The following IL23R variants were observed in gnomAD, a reference collection of about 807,000 sequenced individuals.
IL23R encodes interleukin-23 receptor.
IL23R carries 34 observed loss-of-function variants against 56.9 expected under a neutral mutation model. The ratio of observed to expected loss-of-function variants is 0.60; its 90% CI spans 0.45 to 0.80. The LOEUF is 0.80. IL23R is among the 30% of genes least tolerant of loss of function. The pLI, the probability that IL23R is intolerant of heterozygous loss-of-function variation, is 0.00. For synonymous variants in IL23R, 230 were observed against 249.2 expected, an observed-to-expected ratio of 0.92 and a Z score of 0.73; for missense variants, 635 against 730.0, an observed-to-expected ratio of 0.87 and a Z score of 1.50.
intron 6 of IL23R, among the ~76,000 whole-genome samples, chr1:67,218,271 CATAT>C (rs1011598645): frequency 3.8e-5 from 2 of 52,228 alleles, no homozygotes; most frequent in Non-Finnish European, 6.8e-5. Flanking sequence ...GACACATACA[CATAT>C]ATATATATAT....
At chr1:67,205,873 ATCTTTCTTTCTTTCTT>A (rs200498214) in intron 5 of IL23R, among the ~76,000 whole-genome samples, 5,656 of 139,154 alleles carry the variant, frequency 0.041, 129 homozygotes, top group Middle Eastern at 0.073. Context: ...TTGAACATCC[ATCTTTCTTTCTTTCTT>A]TCTTTCTTTC....
intron 6 of IL23R, among the ~76,000 whole-genome samples, chr1:67,208,888 C>A (rs910427712): frequency 1.3e-5 from 2 of 152,152 alleles, no homozygotes; most frequent in African/African-American, 4.8e-5. Flanking sequence ...GTTGCAGACA[C>A]TCAATACCAG....
intron 9 of IL23R, among the ~76,000 whole-genome samples, chr1:67,253,174 A>G (rs1570929707): frequency 2.0e-5 from 3 of 152,334 alleles, no homozygotes; most frequent in East Asian, 3.9e-4. Context: ...AAATTTGTCA[A>G]TTCCTTACCA....
At chr1:67,158,331 G>C (rs1646788073) in intron 1 of IL23R, among the ~76,000 whole-genome samples, 5 of 152,224 alleles carry the variant, frequency 3.3e-5, no homozygotes, top group Admixed American at 3.3e-4. Context: ...ACCCAGGAAA[G>C]AATTCAAGGG....
intron 7 of IL23R, among the ~76,000 whole-genome samples, chr1:67,235,408 T>C (rs1266736503): frequency 1.4e-5 from 2 of 147,960 alleles, no homozygotes; most frequent in Non-Finnish European, 3.0e-5. Flanking sequence ...TTTTTTTTTT[T>C]TGTGAAATGG....
At chr1:67,173,410 A>G (rs1437564456) in intron 3 of IL23R, among the ~76,000 whole-genome samples, 1 of 152,208 alleles carries the variant, frequency 6.6e-6, no homozygotes. Context: ...TAGCCAAATC[A>G]ATGGCACTCT....
chr1:67,172,240 C>T (rs1009496373), intron 3 of IL23R, among the ~76,000 whole-genome samples: 1 of 152,118 alleles, frequency 6.6e-6, no homozygotes, highest in Admixed American at 6.5e-5. Context: ...CACTGGACCA[C>T]TTTGATCACA....
intron 3 of IL23R, among the ~76,000 whole-genome samples, 155 bp from the exon 4 acceptor site, chr1:67,182,681 C>T (rs562086962): frequency 3.3e-5 from 5 of 152,278 alleles, no homozygotes; most frequent in African/African-American, 7.2e-5. Flanking sequence ...GAGATGAACC[C>T]GGTACCTCAG....
At position 67,259,331 on chromosome 1, in the gene IL23R, C is replaced by A. The variant is rs746918181; in HGVS notation, c.*203C>A. The A allele has an allele frequency of 3.5e-6, 2 of 579,202 alleles. No individual in the cohort carries two copies. The highest frequency in any genetic ancestry group is 6.1e-6 in the Non-Finnish European group (2 of 326,826). The allele number at this position is 579,202 out of a possible 1,614,324, so 35.9% of individuals were successfully genotyped here. On this transcript the variant is annotated 3_prime_UTR_variant, in exon 11 of 11. Coordinates refer to ENST00000347310, the MANE Select transcript of IL23R (RefSeq NM_144701.3). ...CATATGATAAGCATATGTTTCAGTT[C>A]TACCAATCTTGTTTCCAGAGTAGTG...
chr1:67,222,115 T>C (rs1284297108), intron 7 of IL23R, among the ~76,000 whole-genome samples: 3 of 124,582 alleles, frequency 2.4e-5, no homozygotes, highest in Middle Eastern at 3.8e-3. Flanking sequence ...TTTTTTTTTT[T>C]TTTTTTTTTT....
chr1:67,209,469 C>T (rs1649309748), intron 6 of IL23R, among the ~76,000 whole-genome samples: 1 of 152,176 alleles, frequency 6.6e-6, no homozygotes, highest in Admixed American at 6.5e-5. Context: ...CCATACTATT[C>T]TCATGATAGT....
chr1:67,181,465 C>T (rs1287007673), intron 3 of IL23R, among the ~76,000 whole-genome samples: 3 of 152,146 alleles, frequency 2.0e-5, no homozygotes, highest in African/African-American at 7.2e-5. Flanking sequence ...AGTTCTCGTG[C>T]CATGGTTTTC....
intron 1 of IL23R, among the ~76,000 whole-genome samples, chr1:67,149,390 A>G (rs1050880895): frequency 6.6e-6 from 1 of 152,076 alleles, no homozygotes; most frequent in African/African-American, 2.4e-5. Flanking sequence ...TCCTAGCTGC[A>G]GTTATTCCAC....
chr1:67,181,421 G>A (rs1429870614), intron 3 of IL23R, among the ~76,000 whole-genome samples: 3 of 152,062 alleles, frequency 2.0e-5, no homozygotes, highest in Non-Finnish European at 2.9e-5. Context: ...CCAGTTGATC[G>A]AATTGGCTGC....
intron 7 of IL23R, among the ~76,000 whole-genome samples, chr1:67,222,098 CTTTCTTTTTTTTT>C (rs1650297961): frequency 1.1e-5 from 1 of 89,784 alleles, no homozygotes; most frequent in African/African-American, 4.6e-5. Flanking sequence ...TTCTTTCTTT[CTTTCTTTTTTTTT>C]TTTTTTTTTT....
chr1:67,210,736 G>A (rs1649410270), intron 6 of IL23R, among the ~76,000 whole-genome samples: 2 of 151,988 alleles, frequency 1.3e-5, no homozygotes, highest in African/African-American at 2.4e-5. Flanking sequence ...GCCTCCCAAA[G>A]TGCTAGGATT....
intron 1 of IL23R, 30 bp from the exon 2 acceptor site, chr1:67,168,062 A>C (rs1281780684): frequency 8.2e-7 from 1 of 1,219,772 alleles, no homozygotes; most frequent in Admixed American, 1.7e-5. Flanking sequence ...AAATACTACA[A>C]TTTAAACATT....
At chr1:67,169,002 G>T (rs1031626762) in intron 2 of IL23R, among the ~76,000 whole-genome samples, 2 of 151,962 alleles carry the variant, frequency 1.3e-5, no homozygotes, top group African/African-American at 4.8e-5. Context: ...TTAGCCGGGC[G>T]TGGTGGTGCT....
chr1:67,232,710 G>A (rs1259731714), intron 7 of IL23R, among the ~76,000 whole-genome samples: 1 of 152,056 alleles, frequency 6.6e-6, no homozygotes, highest in African/African-American at 2.4e-5. Context: ...CTCATTAAAT[G>A]GTCACTTTAA....
Sources: gnomAD v4.1 joint callset for allele counts (sites outside exome capture counted in the v4.1 genomes callset) on GRCh38, gnomAD v4.1.1 for gene constraint, MANE v1.5 for transcripts, NCBI Gene and HGNC (gene_info 2026-07-23, HGNC 2026-07-21) for gene names.